The following FANCB variants were observed in gnomAD, a reference collection of about 807,000 sequenced individuals.
FANCB encodes FA complementation group B.
Under a neutral mutation model 38.9 loss-of-function variants are expected in FANCB, and 5 were observed. The ratio of observed to expected loss-of-function variants is 0.13; its 90% CI spans 0.07 to 0.27. The LOEUF (loss-of-function observed/expected upper bound fraction) is 0.27. Ranked by LOEUF, FANCB falls within the 10% of genes least tolerant of loss-of-function variation. FANCB has a pLI of 1.00. For missense variants in FANCB, 573 were observed against 602.7 expected (o/e 0.95, Z 0.52); for synonymous variants, 236 against 215.4 (o/e 1.10, Z -0.84).
the FANCB span, among the ~76,000 whole-genome samples, chrX:14,714,180 T>C: frequency 2.7e-5 from 3 of 110,463 alleles, no homozygotes; most frequent in African/African-American, 9.9e-5. Flanking sequence ...GGCTAGAATA[T>C]TCAGACTTTC....
the FANCB span, among the ~76,000 whole-genome samples, chrX:14,726,793 G>T: frequency 8.9e-6 from 1 of 112,446 alleles, no homozygotes; most frequent in Admixed American, 9.4e-5. Context: ...ACGTGGACAT[G>T]TATATTTAAG....
chrX:14,872,658 A>AC (rs1198780672), intron 1 of FANCB, among the ~76,000 whole-genome samples: 1 of 28,920 alleles, frequency 3.5e-5, no homozygotes, highest in East Asian at 1.3e-3. Context: ...ACACCCCCCC[A>AC]CCCCCCCGGC....
At chrX:14,844,123 T>C (rs1310549683) in intron 9 of FANCB, 142 bp from the exon 10 acceptor site, 4 of 491,933 alleles carry the variant, frequency 8.1e-6, no homozygotes, top group Non-Finnish European at 1.3e-5. Context: ...TGAGCATTGA[T>C]AAAATTCAGA....
intron 3 of FANCB, among the ~76,000 whole-genome samples, chrX:14,861,336 A>G (rs1352604860): frequency 8.9e-6 from 1 of 112,264 alleles, no homozygotes; most frequent in Non-Finnish European, 1.9e-5. Flanking sequence ...CACATTAAAC[A>G]TCATGCCTCG....
At chrX:14,835,402 C>A, downstream of FANCB, 1 of 370,505 alleles carries the variant, frequency 2.7e-6, no homozygotes, top group Non-Finnish European at 5.0e-6. Flanking sequence ...CCGCGCAGGA[C>A]AGAATCACAC....
chrX:14,786,283 G>A, the FANCB span, among the ~76,000 whole-genome samples: 2 of 111,364 alleles, frequency 1.8e-5, no homozygotes, highest in African/African-American at 6.5e-5. Flanking sequence ...GGGAGGAGGG[G>A]AGATAGGCGC....
the FANCB span, among the ~76,000 whole-genome samples, chrX:14,809,677 G>A: frequency 1.8e-5 from 2 of 112,852 alleles, no homozygotes; most frequent in African/African-American, 6.4e-5. Flanking sequence ...AAGCAGCTGG[G>A]AAGCTCGAAC....
At chrX:14,726,364 T>A in the FANCB span, among the ~76,000 whole-genome samples, 1 of 112,289 alleles carries the variant, frequency 8.9e-6, no homozygotes, top group African/African-American at 3.2e-5. Context: ...AGGCATTGAA[T>A]GCATCATAAT....
At chrX:14,844,073 T>G (rs922325582) in intron 9 of FANCB, 92 bp from the exon 10 acceptor site, 83 of 716,986 alleles carry the variant, frequency 1.2e-4, no homozygotes, top group Middle Eastern at 4.2e-4. Flanking sequence ...TAATATTCAT[T>G]TATAAACACC....
At chrX:14,837,485 A>C (rs767819818) in intron 10 of FANCB, among the ~76,000 whole-genome samples, 1 of 112,697 alleles carries the variant, frequency 8.9e-6, no homozygotes, top group South Asian at 3.6e-4. Context: ...GGGAACAGGC[A>C]CACAGGTATT....
chrX:14,786,950 C>G, the FANCB span, among the ~76,000 whole-genome samples: 1 of 111,516 alleles, frequency 9.0e-6, no homozygotes, highest in East Asian at 2.8e-4. Flanking sequence ...TGTCAGAATG[C>G]AAAAACTTTC....
At chrX:14,784,645 C>A in the FANCB span, among the ~76,000 whole-genome samples, 24 of 111,945 alleles carry the variant, frequency 2.1e-4, no homozygotes, top group Middle Eastern at 4.6e-3. Flanking sequence ...ACCATTTGAC[C>A]CAGAAATCCC....
At chrX:14,744,952 A>G in the FANCB span, among the ~76,000 whole-genome samples, 1 of 110,965 alleles carries the variant, frequency 9.0e-6, no homozygotes, top group Non-Finnish European at 1.9e-5. Flanking sequence ...AATTTTCTCA[A>G]TGGCTTTGGT....
chrX:14,797,222 T>C, the FANCB span, among the ~76,000 whole-genome samples: 1 of 111,923 alleles, frequency 8.9e-6, no homozygotes, highest in Non-Finnish European at 1.9e-5. Flanking sequence ...CCTCAGATCT[T>C]TGCAAGGTAG....
intron 7 of FANCB, among the ~76,000 whole-genome samples, chrX:14,846,185 A>G (rs2092376424): frequency 8.9e-6 from 1 of 111,762 alleles, no homozygotes; most frequent in African/African-American, 3.2e-5. Context: ...ATACAGAAAG[A>G]AGATACATCA....
chrX:14,865,205 A>C lies in FANCB; in HGVS notation c.306T>G (p.Asn102Lys). Residue 102 changes from asparagine to lysine, a missense_variant, in exon 3 of 10, where the codon AAT (asparagine) becomes AAG (lysine). By Grantham distance (94) the Asn-to-Lys change is moderately conservative. Transcript: ENST00000650831. ...TTAGTAAAAAATATTCAAAAACATT[A>C]TTCTTTTTATTTTTTTCTATCACAA... is the stretch of plus-strand genomic sequence containing the variant. ...PYIVIEKNKKNNVFEYFLLIL... is the reference protein window; with the variant it reads ...PYIVIEKNKKKNVFEYFLLIL... 8.6e-7 allele frequency: 1 copy of C among 1,159,407 alleles called. No homozygotes were observed. The highest frequency in any genetic ancestry group is 3.0e-5 in the East Asian group (1 of 33,437).
the FANCB span, among the ~76,000 whole-genome samples, chrX:14,772,382 T>C: frequency 1.8e-5 from 2 of 112,347 alleles, no homozygotes; most frequent in Admixed American, 1.9e-4. Context: ...GCAGTCTGGC[T>C]ACAATCTGGC....
At chrX:14,723,336 A>G in the FANCB span, among the ~76,000 whole-genome samples, 3 of 111,565 alleles carry the variant, frequency 2.7e-5, no homozygotes, top group African/African-American at 9.8e-5. Flanking sequence ...TTGCCCCTCT[A>G]TGTCTCTAGT....
At chrX:14,846,123 T>A (rs753688753) in intron 7 of FANCB, among the ~76,000 whole-genome samples, 2 of 111,848 alleles carry the variant, frequency 1.8e-5, no homozygotes, top group Non-Finnish European at 3.8e-5. Context: ...TGTAGAGTAA[T>A]TATGTAGTAG....
Sources: allele counts gnomAD v4.1 joint callset (sites outside exome capture counted in the v4.1 genomes callset), GRCh38; gene constraint gnomAD v4.1.1; transcripts MANE v1.5; gene names NCBI Gene and HGNC (gene_info 2026-07-23, HGNC 2026-07-21).